The following DPYD variants were observed in gnomAD, a reference collection of about 807,000 sequenced individuals.
DPYD encodes the protein dihydropyrimidine dehydrogenase.
A neutral mutation model predicts 116.2 loss-of-function variants in DPYD; 109 were observed. The ratio of observed to expected loss-of-function variants is 0.94; its 90% CI spans 0.80 to 1.10. The LOEUF (loss-of-function observed/expected upper bound fraction) is 1.10, where lower values mean the gene tolerates loss of function less well. Among genes scored for constraint, DPYD ranks in the 50% least tolerant of loss-of-function variants. The pLI is 0.00. For missense variants in DPYD, 1,302 were observed against 1,254.5 expected (o/e 1.04, Z -0.57); for synonymous variants, 440 against 432.0 (o/e 1.02, Z -0.23).
intron 8 of DPYD, among the ~76,000 whole-genome samples, chr1:97,665,539 T>C (rs1252745074): frequency 6.6e-6 from 1 of 152,130 alleles, no homozygotes; most frequent in Admixed American, 6.5e-5. Context: ...TTACAATAGA[T>C]CAAACAGATT....
At chr1:97,081,366 A>G (rs972787016) in intron 22 of DPYD, among the ~76,000 whole-genome samples, 2 of 152,018 alleles carry the variant, frequency 1.3e-5, no homozygotes, top group African/African-American at 2.4e-5. Flanking sequence ...GTTTTTAGCA[A>G]TTTTTAATAG....
chr1:97,896,180 A>G (rs529156740), intron 1 of DPYD, among the ~76,000 whole-genome samples: 1 of 151,918 alleles, frequency 6.6e-6, no homozygotes, highest in South Asian at 2.1e-4. Flanking sequence ...TGTTCCAAAC[A>G]CTCATTGAAC....
At chr1:97,411,800 G>A (rs1213317817) in intron 14 of DPYD, among the ~76,000 whole-genome samples, 2 of 152,162 alleles carry the variant, frequency 1.3e-5, no homozygotes, top group East Asian at 3.9e-4. Context: ...TTTTCAAAGT[G>A]ATTGGAACCT....
At chr1:97,480,427 T>G (rs1040028518) in intron 13 of DPYD, among the ~76,000 whole-genome samples, 2 of 152,102 alleles carry the variant, frequency 1.3e-5, no homozygotes, top group African/African-American at 4.8e-5. Context: ...TAGAAAAAAC[T>G]AATGATAGTT....
chr1:97,458,283 T>G (rs973888261), intron 13 of DPYD, among the ~76,000 whole-genome samples: 2 of 152,194 alleles, frequency 1.3e-5, no homozygotes, highest in Non-Finnish European at 2.9e-5. Context: ...ATGAAATGAC[T>G]ACTATTTAAA....
intron 13 of DPYD, among the ~76,000 whole-genome samples, chr1:97,471,011 A>G (rs1401492939): frequency 1.3e-5 from 2 of 152,124 alleles, no homozygotes; most frequent in Non-Finnish European, 2.9e-5. Context: ...AGGTTTCTGA[A>G]TTAGTTATCC....
chr1:97,126,831 T>C (rs572392788), intron 20 of DPYD, among the ~76,000 whole-genome samples: 1 of 152,332 alleles, frequency 6.6e-6, no homozygotes, highest in East Asian at 1.9e-4. Context: ...ATTTCAGTTT[T>C]TCTTAAAATT....
chr1:97,612,775 G>A lies in DPYD; in HGVS notation c.851-17609C>T, dbSNP rs533601631. Among the ~76,000 whole-genome samples the A allele has an allele frequency of 5.9e-5, 9 of 152,084 alleles. No individual in the cohort carries two copies. The South Asian group carries it at 1.9e-3, about 32-fold the overall frequency. Reference sequence around the variant, plus strand: ...AAATTATACCATAGCAGTTGGGCTTGTTTCTTCAATCCCTCATCCTCTATG... The same window carrying A: ...AAATTATACCATAGCAGTTGGGCTTATTTCTTCAATCCCTCATCCTCTATG... On this transcript the variant is annotated intron_variant, in intron 8 of 22. Transcript: ENST00000370192.
At chr1:97,863,867 A>C (rs1191808368) in intron 2 of DPYD, among the ~76,000 whole-genome samples, 1 of 152,000 alleles carries the variant, frequency 6.6e-6, no homozygotes, top group East Asian at 1.9e-4. Context: ...CATGAAGGTG[A>C]CATTGGACTA....
chr1:97,404,552 C>T (rs1673544607), intron 14 of DPYD, among the ~76,000 whole-genome samples: 1 of 152,008 alleles, frequency 6.6e-6, no homozygotes, highest in Non-Finnish European at 1.5e-5. Flanking sequence ...CTTCTTTTGT[C>T]CCTGATAACT....
At chr1:97,894,378 G>C (rs1352064232) in intron 1 of DPYD, among the ~76,000 whole-genome samples, 1 of 151,680 alleles carries the variant, frequency 6.6e-6, no homozygotes, top group Non-Finnish European at 1.5e-5. Context: ...ATTTTGAGGG[G>C]ACATAAACAG....
At chr1:97,731,197 T>C (rs1663588863) in intron 4 of DPYD, among the ~76,000 whole-genome samples, 1 of 152,094 alleles carries the variant, frequency 6.6e-6, no homozygotes. Context: ...TTGTGCGAGT[T>C]TGCTCTTTAT....
intron 13 of DPYD, among the ~76,000 whole-genome samples, chr1:97,498,513 T>A (rs1266024912): frequency 6.6e-6 from 1 of 151,480 alleles, no homozygotes; most frequent in African/African-American, 2.4e-5. Context: ...TGTGTGTGTG[T>A]GTGTACTTAT....
At chr1:97,286,819 G>T (rs11165832) in intron 18 of DPYD, among the ~76,000 whole-genome samples, 1 of 151,864 alleles carries the variant, frequency 6.6e-6, no homozygotes, top group Non-Finnish European at 1.5e-5. Context: ...TTATACATTC[G>T]TCTAAATTAT....
At chr1:97,723,269 A>T (rs2101029893) in intron 4 of DPYD, among the ~76,000 whole-genome samples, 1 of 151,712 alleles carries the variant, frequency 6.6e-6, no homozygotes, top group South Asian at 2.1e-4. Context: ...AGAATGTGGT[A>T]TGAAATTAAA....
intron 3 of DPYD, among the ~76,000 whole-genome samples, chr1:97,747,825 T>C (rs749947413): frequency 3.9e-5 from 6 of 152,164 alleles, no homozygotes; most frequent in Non-Finnish European, 7.4e-5. Context: ...TGACTTCACT[T>C]TACTGGTTTT....
intron 18 of DPYD, among the ~76,000 whole-genome samples, chr1:97,288,013 A>G (rs1665846297): frequency 6.6e-6 from 1 of 150,926 alleles, no homozygotes; most frequent in South Asian, 2.1e-4. Context: ...AATGGAAAAC[A>G]AAAAAAGGCA....
chr1:97,513,185 T>C (rs954901259), intron 13 of DPYD, among the ~76,000 whole-genome samples: 6 of 151,400 alleles, frequency 4.0e-5, no homozygotes, highest in African/African-American at 1.2e-4. Context: ...ATAAAATATA[T>C]ATATATATAC....
At chr1:97,718,095 A>C (rs1427083246) in intron 5 of DPYD, among the ~76,000 whole-genome samples, 1 of 152,156 alleles carries the variant, frequency 6.6e-6, no homozygotes, top group Admixed American at 6.6e-5. Context: ...GCAATGTGAA[A>C]GTATTCCCTT....
Sources: gnomAD v4.1 joint callset for allele counts (sites outside exome capture counted in the v4.1 genomes callset) on GRCh38, gnomAD v4.1.1 for gene constraint, MANE v1.5 for transcripts, NCBI Gene and HGNC (gene_info 2026-07-23, HGNC 2026-07-21) for gene names.